Variants in SCN7A observed in about 807,000 individuals in gnomAD.
The protein encoded by SCN7A is sodium channel protein type 7 subunit alpha.
In SCN7A, 138 loss-of-function variants were observed where a neutral mutation model predicts 155.2. The ratio of observed to expected loss-of-function variants is 0.89; its 90% CI spans 0.77 to 1.02. The LOEUF (loss-of-function observed/expected upper bound fraction) is 1.02. SCN7A is among the 50% of genes least tolerant of loss of function. The pLI is 0.00. For missense variants in SCN7A, 2,058 were observed against 1,986.6 expected, an observed-to-expected ratio of 1.04 and a Z score of -0.68; for synonymous variants, 693 against 649.0, an observed-to-expected ratio of 1.07 and a Z score of -1.03.
In SCN7A at chr2:166,418,284, C is replaced by CTTTT. The variant is rs71031244; in HGVS notation, c.3136-1303_3136-1300dup. On this transcript the variant is annotated intron_variant, in intron 20 of 25. Coordinates refer to ENST00000643258, the MANE Select transcript of SCN7A (RefSeq NM_002976.4). ...TACAGGCACACGCCACCCCGCCAGGCTTTTTTTTTTTTTTTTTTTTTTTTT... is the reference window on the plus strand; with the variant it reads ...TACAGGCACACGCCACCCCGCCAGGCTTTTTTTTTTTTTTTTTTTTTTTTTTTTT... 2.7e-3 allele frequency among the ~76,000 whole-genome samples: 162 copies of CTTTT among 60,674 alleles called. 17 individuals are homozygous for CTTTT. Among genetic ancestry groups the CTTTT allele is most frequent in the African/African-American group, 0.011 (147 of 13,824 alleles). The allele number at this position is 60,674 out of a possible 152,430, so 39.8% of individuals were successfully genotyped here.
chr2:166,485,712 A>G (rs1703031970), intron 2 of SCN7A, among the ~76,000 whole-genome samples: 1 of 152,170 alleles, frequency 6.6e-6, no homozygotes, highest in Non-Finnish European at 1.5e-5. Context: ...CCCTACCAGT[A>G]ACTCTGGGAA....
chr2:166,456,823 TATATATAG>T (rs757407999), intron 11 of SCN7A, 39 bp downstream of exon 11: 708 of 632,130 alleles, frequency 1.1e-3, no homozygotes, highest in African/African-American at 3.4e-3. Context: ...TATATATATA[TATATATAG>T]ATAGATAGAT....
intron 11 of SCN7A, among the ~76,000 whole-genome samples, chr2:166,453,973 A>T (rs1476505389): frequency 6.6e-6 from 1 of 152,184 alleles, no homozygotes; most frequent in African/African-American, 2.4e-5. Flanking sequence ...GGAATCTTCC[A>T]GGAAAAGAAA....
chr2:166,444,687 A>C, intron 13 of SCN7A, 75 bp downstream of exon 13: 1 of 798,596 alleles, frequency 1.3e-6, no homozygotes, highest in Admixed American at 2.6e-5. Context: ...AATAATGGGA[A>C]TAATGATGAA....
At position 166,456,869 on chromosome 2, in the gene SCN7A, C is replaced by T. The variant is rs1168504622; in HGVS notation, c.1290+1G>A. 6.1e-6 allele frequency: 9 copies of T among 1,473,424 alleles called. No individual in the cohort carries two copies. In the East Asian group the frequency reaches 1.7e-4, roughly 29 times the overall value. The allele number at this position is 1,473,424 out of a possible 1,614,324, so 91.3% of individuals were successfully genotyped here. ...ATAGATAGATAGATAGATATAGATA[C>T]CTCATCTGTTTCATTTCCTTCTTGA... On this transcript the variant is annotated splice_donor_variant, in intron 11 of 25. Coordinates refer to ENST00000643258, the MANE Select transcript of SCN7A (RefSeq NM_002976.4). LOFTEE classifies it high-confidence loss of function.
chr2:166,414,109 A>G (rs868461739), intron 21 of SCN7A, among the ~76,000 whole-genome samples: 15 of 84,942 alleles, frequency 1.8e-4, no homozygotes, highest in Non-Finnish European at 2.8e-4. Context: ...TATATTATAT[A>G]TAAATATATA....
chr2:166,482,117 A>G (rs1702943327), intron 2 of SCN7A, among the ~76,000 whole-genome samples: 1 of 152,172 alleles, frequency 6.6e-6, no homozygotes, highest in Admixed American at 6.5e-5. Context: ...TTTGTTGCAC[A>G]ATTTCACATG....
intron 2 of SCN7A, among the ~76,000 whole-genome samples, chr2:166,482,895 T>C (rs1033163455): frequency 6.6e-6 from 1 of 152,072 alleles, no homozygotes; most frequent in Non-Finnish European, 1.5e-5. Context: ...GGGGAATTTA[T>C]GTAATATGGT....
At position 166,441,479 on chromosome 2, in the gene SCN7A, TC is replaced by T; in HGVS notation, c.2073del (p.Thr692ProfsTer19). 1 of 1,613,962 alleles carries T rather than the reference TC, an allele frequency of 6.2e-7. No homozygotes were observed. The highest frequency in any genetic ancestry group is 8.5e-7 in the Non-Finnish European group (1 of 1,179,940). On this transcript the variant is annotated frameshift_variant, in exon 15 of 26. Transcript: ENST00000643258. LOFTEE classifies it high-confidence loss of function. ...GCAACCTCCATACAGTCCCACAAGG[TC>T]TCTACCCACTCTCCACAGAGAATTC... is the stretch of plus-strand genomic sequence containing the variant. ...VFRILCGEWV[E>X]TLWDCMEVAG...
At chr2:166,429,436 G>A (rs1032759579) in intron 16 of SCN7A, among the ~76,000 whole-genome samples, 162 bp from the exon 17 acceptor site, 11 of 151,908 alleles carry the variant, frequency 7.2e-5, no homozygotes, top group South Asian at 6.2e-4. Flanking sequence ...ATTAAAATGC[G>A]TACATATTGG....
At chr2:166,490,823 G>T (rs180760241) in intron 1 of SCN7A, among the ~76,000 whole-genome samples, 385 of 152,240 alleles carry the variant, frequency 2.5e-3, no homozygotes, top group African/African-American at 8.9e-3. Flanking sequence ...TCTCCCAAAA[G>T]CTCCTTTAGC....
intron 21 of SCN7A, 84 bp from the exon 22 acceptor site, chr2:166,413,205 A>G (rs1701240646): frequency 1.4e-6 from 1 of 732,818 alleles, no homozygotes; most frequent in Non-Finnish European, 2.2e-6. Flanking sequence ...GCACTGAAAT[A>G]TTTGACATAG....
In SCN7A at chr2:166,415,438, C is replaced by T. The variant is rs145223054; in HGVS notation, c.3414+1269G>A. Among the ~76,000 whole-genome samples, 918 of 151,798 alleles carry T rather than the reference C, an allele frequency of 6.0e-3. 6 individuals are homozygous for T. Among genetic ancestry groups the T allele is most frequent in the African/African-American group, 0.011 (447 of 41,426 alleles). ...TGGGGTTTCACCATGTTGGCTAGGA[C>T]GGTCTTGATCTCTTGACCTCATGAT... On this transcript the variant is annotated intron_variant, in intron 21 of 25. Coordinates refer to ENST00000643258, the MANE Select transcript of SCN7A (RefSeq NM_002976.4).
intron 3 of SCN7A, among the ~76,000 whole-genome samples, chr2:166,475,124 A>ATACG (rs1553520566): frequency 8.3e-6 from 1 of 120,120 alleles, no homozygotes; most frequent in African/African-American, 3.0e-5. Context: ...ATATATACAT[A>ATACG]TATATATATA....
At chr2:166,478,319 T>C (rs1278843202) in intron 2 of SCN7A, among the ~76,000 whole-genome samples, 4 of 149,636 alleles carry the variant, frequency 2.7e-5, no homozygotes, top group South Asian at 2.1e-4. Flanking sequence ...ATATAATATA[T>C]ATAAAAAGAA....
intron 11 of SCN7A, among the ~76,000 whole-genome samples, chr2:166,454,165 C>T (rs932933152): frequency 3.3e-5 from 5 of 152,030 alleles, no homozygotes; most frequent in African/African-American, 9.7e-5. Context: ...CAGCCATAAG[C>T]CCTTAAGATT....
At chr2:166,470,791 T>C in intron 6 of SCN7A, 85 bp from the exon 7 acceptor site, 1 of 1,196,812 alleles carries the variant, frequency 8.4e-7, no homozygotes, top group Non-Finnish European at 1.2e-6. Context: ...TGAAACTTAT[T>C]TTTAAAACCA....
intron 7 of SCN7A, among the ~76,000 whole-genome samples, chr2:166,467,315 A>T (rs1196968989): frequency 6.6e-6 from 1 of 151,866 alleles, no homozygotes; most frequent in East Asian, 1.9e-4. Flanking sequence ...CCAAACTTTT[A>T]AAATAGGTGT....
intron 23 of SCN7A, 57 bp downstream of exon 23, chr2:166,412,473 T>C: frequency 7.5e-7 from 1 of 1,326,204 alleles, no homozygotes; most frequent in Admixed American, 4.0e-5. Context: ...ATTTATATAT[T>C]TATGTGTATG....
Sources: gnomAD v4.1 joint callset for allele counts (sites outside exome capture counted in the v4.1 genomes callset) on GRCh38, gnomAD v4.1.1 for gene constraint, MANE v1.5 for transcripts, NCBI Gene and HGNC (gene_info 2026-07-23, HGNC 2026-07-21) for gene names.